Variants in GRAMD2B observed in about 807,000 individuals in gnomAD.
GRAMD2B encodes the protein GRAM domain containing 2B.
In GRAMD2B, 41 loss-of-function variants were observed where a neutral mutation model predicts 59.2. That is an observed-to-expected ratio of 0.69 (90% CI 0.54 to 0.90). GRAMD2B has a LOEUF of 0.90. GRAMD2B is among the 40% of genes least tolerant of loss of function. The probability of loss-of-function intolerance (pLI) is 0.00; values close to 1 mark genes in which losing one functional copy is unlikely to be tolerated. For synonymous variants in GRAMD2B, 161 were observed against 182.7 expected (o/e 0.88, Z 0.96); for missense variants, 424 against 500.5 (o/e 0.85, Z 1.46).
At chr5:126,471,311 G>T (rs930592442) in intron 3 of GRAMD2B, among the ~76,000 whole-genome samples, 2 of 152,212 alleles carry the variant, frequency 1.3e-5, no homozygotes, top group African/African-American at 2.4e-5. Context: ...CTGGGCTCAA[G>T]AGATCCTCCT....
At chr5:126,418,562 C>T (rs77135510), upstream of GRAMD2B, among the ~76,000 whole-genome samples, 393 of 152,262 alleles carry the variant, frequency 2.6e-3, no homozygotes, top group African/African-American at 8.9e-3. Context: ...TGTCACTTGG[C>T]TTTGGAAATA....
chr5:126,435,739 A>G (rs1189752261), intron 1 of GRAMD2B, among the ~76,000 whole-genome samples: 1 of 152,232 alleles, frequency 6.6e-6, no homozygotes. Flanking sequence ...AAAGAATTCT[A>G]TTAGACTGAA....
At chr5:126,374,691 C>T (rs533441394) in intron 1 of GRAMD2B, among the ~76,000 whole-genome samples, 3 of 152,192 alleles carry the variant, frequency 2.0e-5, no homozygotes, top group South Asian at 2.1e-4. Context: ...GTGTTTAGAA[C>T]GTATTTCCTT....
chr5:126,457,382 C>T (rs1257292541), intron 1 of GRAMD2B, among the ~76,000 whole-genome samples: 1 of 151,950 alleles, frequency 6.6e-6, no homozygotes, highest in Non-Finnish European at 1.5e-5. Flanking sequence ...ACCTGTAATC[C>T]CAGCACTTTG....
chr5:126,407,844 A>C (rs962262984), intron 1 of GRAMD2B, among the ~76,000 whole-genome samples: 1 of 152,082 alleles, frequency 6.6e-6, no homozygotes, highest in African/African-American at 2.4e-5. Flanking sequence ...ATTGCGTGCT[A>C]TGTGCCTGGT....
chr5:126,378,921 C>T (rs1194378935), intron 1 of GRAMD2B, among the ~76,000 whole-genome samples: 1 of 151,946 alleles, frequency 6.6e-6, no homozygotes, highest in African/African-American at 2.4e-5. Flanking sequence ...TTTTTTATTT[C>T]AGTACGTTTT....
chr5:126,481,123 T>A (rs1247685000), intron 8 of GRAMD2B, among the ~76,000 whole-genome samples: 1 of 147,512 alleles, frequency 6.8e-6, no homozygotes, highest in Non-Finnish European at 1.5e-5. Flanking sequence ...CAGGAAAAAT[T>A]AAAACTAATT....
intron 1 of GRAMD2B, among the ~76,000 whole-genome samples, chr5:126,372,362 C>G (rs764903071): frequency 5.9e-5 from 9 of 152,162 alleles, no homozygotes; most frequent in Non-Finnish European, 1.2e-4. Context: ...CCAAACTTTA[C>G]TTTTTGACAG....
chr5:126,423,425 A>G lies in GRAMD2B; in HGVS notation c.-182A>G. ...GGTCGGACCAATCGCGCCCGCTCCG[A>G]CGTGTCCAGGTCCGCGGCCCCGGGA... On this transcript the variant is annotated 5_prime_UTR_variant, in exon 1 of 14. Transcript: ENST00000285689. 26 of 1,387,720 alleles carry G rather than the reference A, an allele frequency of 1.9e-5. No individual in the cohort carries two copies. The highest frequency in any genetic ancestry group is 2.4e-5 in the Non-Finnish European group (26 of 1,075,852). The allele number at this position is 1,387,720 out of a possible 1,614,324, so 86.0% of individuals were successfully genotyped here.
At chr5:126,482,568 G>C (rs1157576067) in intron 8 of GRAMD2B, among the ~76,000 whole-genome samples, 1 of 152,186 alleles carries the variant, frequency 6.6e-6, no homozygotes, top group Non-Finnish European at 1.5e-5. Context: ...TATGTAAGGA[G>C]CTTTGCATAC....
intron 1 of GRAMD2B, among the ~76,000 whole-genome samples, chr5:126,427,667 T>TAAAA (rs1454560491): frequency 6.6e-6 from 1 of 152,194 alleles, no homozygotes. Context: ...TGAATTCAAG[T>TAAAA]AAAAATAAAT....
At chr5:126,481,472 AACAACTCCC>A (rs1771829746) in intron 8 of GRAMD2B, among the ~76,000 whole-genome samples, 1 of 152,212 alleles carries the variant, frequency 6.6e-6, no homozygotes, top group South Asian at 2.1e-4. Context: ...CCATGGTTTC[AACAACTCCC>A]ACAAATCTTT....
chr5:126,423,821 C>G, intron 1 of GRAMD2B, 132 bp downstream of exon 1: 3 of 737,200 alleles, frequency 4.1e-6, no homozygotes, highest in Middle Eastern at 2.4e-4. Context: ...GGCGCGCTCT[C>G]TCTGTCTCTC....
chr5:126,427,104 G>T (rs939014103), intron 1 of GRAMD2B, among the ~76,000 whole-genome samples: 5 of 152,048 alleles, frequency 3.3e-5, no homozygotes, highest in African/African-American at 1.2e-4. Flanking sequence ...GAATACCCTT[G>T]CTCTAACTTT....
intron 5 of GRAMD2B, among the ~76,000 whole-genome samples, chr5:126,476,969 G>C (rs1770746577): frequency 6.6e-6 from 1 of 152,166 alleles, no homozygotes; most frequent in Non-Finnish European, 1.5e-5. Flanking sequence ...TAGCTTACAA[G>C]GGGGAGTAGG....
At chr5:126,472,399 C>T in intron 4 of GRAMD2B, 95 bp downstream of exon 4, 2 of 873,698 alleles carry the variant, frequency 2.3e-6, no homozygotes, top group Non-Finnish European at 3.8e-6. Context: ...TGGACTGAGT[C>T]ACCAAGGGGA....
intron 1 of GRAMD2B, among the ~76,000 whole-genome samples, chr5:126,383,892 G>T (rs941210784): frequency 6.6e-6 from 1 of 152,078 alleles, no homozygotes; most frequent in African/African-American, 2.4e-5. Context: ...TGAAAGAGAA[G>T]GTCAGAGAGA....
intron 1 of GRAMD2B, among the ~76,000 whole-genome samples, chr5:126,415,472 G>C (rs979080700): frequency 2.0e-5 from 3 of 151,804 alleles, no homozygotes; most frequent in Admixed American, 6.6e-5. Flanking sequence ...ACATGTAAAA[G>C]GCATGCAAAA....
rs917113698 is a variant in GRAMD2B, at chr5:126,472,383, A to G, written c.382+79A>G. 5 of 1,132,890 alleles carry G rather than the reference A, an allele frequency of 4.4e-6. No individual in the cohort carries two copies. In the African/African-American group the frequency reaches 7.6e-5, roughly 17 times the overall value. 70.2% of individuals were successfully genotyped at this position (1,132,890 alleles called of 1,614,324 possible). A position where few individuals can be genotyped will look rare whatever the true frequency, so the allele number is the denominator to read the frequency against. ...TAGTTTTGGGGAAGAAAAAGGGCAT[A>G]GTCCATGGACTGAGTCACCAAGGGG... On this transcript the variant is annotated intron_variant, in intron 4 of 13. Transcript: ENST00000285689.
Sources: gnomAD v4.1 joint callset for allele counts (sites outside exome capture counted in the v4.1 genomes callset) on GRCh38, gnomAD v4.1.1 for gene constraint, MANE v1.5 for transcripts, NCBI Gene and HGNC (gene_info 2026-07-23, HGNC 2026-07-21) for gene names.